The following USP8 variants were observed in gnomAD, a reference collection of about 807,000 sequenced individuals.
The protein encoded by USP8 is ubiquitin carboxyl-terminal hydrolase 8.
In USP8, 27 loss-of-function variants were observed where a neutral mutation model predicts 130.0. That is an observed-to-expected ratio of 0.21 (90% confidence interval 0.15 to 0.29). USP8 has a LOEUF of 0.29. Among genes scored for constraint, USP8 ranks in the 10% least tolerant of loss-of-function variants. The probability of loss-of-function intolerance (pLI) is 1.00; values close to 1 mark genes in which losing one functional copy is unlikely to be tolerated. For missense variants in USP8, 1,029 were observed against 1,312.2 expected (o/e 0.78, Z 3.33); for synonymous variants, 392 against 444.1 (o/e 0.88, Z 1.48).
intron 1 of USP8, among the ~76,000 whole-genome samples, chr15:50,435,574 A>G (rs1439291169): frequency 1.3e-5 from 2 of 152,172 alleles, no homozygotes; most frequent in African/African-American, 4.8e-5. Flanking sequence ...AGCGGAAAAT[A>G]CCCTTTACCT....
intron 1 of USP8, among the ~76,000 whole-genome samples, chr15:50,436,192 TG>T (rs2050085266): frequency 6.6e-6 from 1 of 152,172 alleles, no homozygotes; most frequent in Non-Finnish European, 1.5e-5. Flanking sequence ...GTTCCAAGTC[TG>T]TTTTTTTTTC....
intron 8 of USP8, among the ~76,000 whole-genome samples, chr15:50,472,604 A>C (rs1030381123): frequency 2.0e-5 from 3 of 150,844 alleles, no homozygotes; most frequent in African/African-American, 7.3e-5. Context: ...CTGGAAAAAA[A>C]AAAAAAAAAA....
At chr15:50,424,632 G>A in intron 1 of USP8, 118 bp downstream of exon 1, 2 of 396,964 alleles carry the variant, frequency 5.0e-6, no homozygotes, top group South Asian at 2.8e-4. Context: ...TGTCCGCGGA[G>A]AGGAGTGGGA....
rs2051035747 is a variant in USP8, at chr15:50,462,322, GGTAA to G, written c.541+3_541+6del. 2 of 1,600,618 alleles carry G rather than the reference GGTAA, an allele frequency of 1.2e-6. No individual in the cohort carries two copies. Among genetic ancestry groups the G allele is most frequent in the Non-Finnish European group, 1.7e-6 (2 of 1,176,070 alleles). On this transcript the variant is annotated splice_donor_variant and splice_donor_region_variant and intron_variant, in intron 6 of 19. Coordinates refer to ENST00000307179, the MANE Select transcript of USP8 (RefSeq NM_005154.5). LOFTEE classifies it high-confidence loss of function. ...TGAAAAATGTGAGACCAAAGAGAAAGGTAAGTGTGTACAGAAGGAGGAAGTTGTT... is the reference window on the plus strand; with the variant it reads ...TGAAAAATGTGAGACCAAAGAGAAAGGTGTGTACAGAAGGAGGAAGTTGTT...
In USP8 at chr15:50,507,534, T is replaced by G. The variant is rs2052678761; in HGVS notation, c.*8446T>G. ...GCATTGTAAATGAGTCACTTTATAA[T>G]GAAAAAAGGTTTAAATCACCCAAAT... On this transcript the variant is annotated 3_prime_UTR_variant, in exon 20 of 20. Coordinates refer to ENST00000307179, the MANE Select transcript of USP8 (RefSeq NM_005154.5). 6.6e-6 allele frequency: 1 copy of G among 152,030 alleles called. No homozygotes were observed. Among genetic ancestry groups the G allele is most frequent in the African/African-American group, 2.4e-5 (1 of 41,404 alleles). 9.4% of individuals were successfully genotyped at this position (152,030 alleles called of 1,614,324 possible). A position where few individuals can be genotyped will look rare whatever the true frequency, so the allele number is the denominator to read the frequency against.
chr15:50,488,139 A>C (rs1208703714), intron 12 of USP8, among the ~76,000 whole-genome samples: 1 of 152,140 alleles, frequency 6.6e-6, no homozygotes, highest in South Asian at 2.1e-4. Context: ...TATTTTTCAC[A>C]TGTGGATTGT....
intron 5 of USP8, among the ~76,000 whole-genome samples, chr15:50,461,833 C>T (rs377090898): frequency 6.2e-5 from 9 of 146,166 alleles, no homozygotes; most frequent in East Asian, 2.0e-4. Context: ...AGCCTGGCCA[C>T]GGAGCAAGAC....
chr15:50,457,882 GAAA>G (rs144529322), intron 4 of USP8, among the ~76,000 whole-genome samples: 2 of 124,046 alleles, frequency 1.6e-5, no homozygotes, highest in South Asian at 5.0e-4. Flanking sequence ...GAAAAGAAAA[GAAA>G]AAAAAAAGAA....
chr15:50,446,504 T>C (rs896437929), intron 3 of USP8, among the ~76,000 whole-genome samples: 4 of 152,246 alleles, frequency 2.6e-5, no homozygotes, highest in Admixed American at 6.5e-5. Flanking sequence ...TTATTCAGAA[T>C]GATTACATTA....
chr15:50,486,373 G>T (rs771078620), intron 12 of USP8, among the ~76,000 whole-genome samples: 1 of 152,168 alleles, frequency 6.6e-6, no homozygotes. Context: ...TGTAGTCCCA[G>T]CTAGTTGAGA....
rs1276449012 is a variant in USP8 at position 50,513,722 on chromosome 15, T to C, written c.*14634T>C. On this transcript the variant is annotated 3_prime_UTR_variant, in exon 20 of 20. Coordinates refer to ENST00000307179, the MANE Select transcript of USP8 (RefSeq NM_005154.5). Reference sequence around the variant, plus strand: ...TATTTAAACCACAATGCCATTCTACTATATGGGCAACCAGAAGGGCCAAAA... The same window carrying C: ...TATTTAAACCACAATGCCATTCTACCATATGGGCAACCAGAAGGGCCAAAA... The C allele has an allele frequency of 2.6e-5, 4 of 152,074 alleles. No individual in the cohort carries two copies. Among genetic ancestry groups the C allele is most frequent in the African/African-American group, 7.2e-5 (3 of 41,416 alleles). 9.4% of individuals were successfully genotyped at this position (152,074 alleles called of 1,614,324 possible).
intron 4 of USP8, among the ~76,000 whole-genome samples, chr15:50,456,824 T>A (rs2050806845): frequency 6.6e-6 from 1 of 152,056 alleles, no homozygotes; most frequent in Non-Finnish European, 1.5e-5. Flanking sequence ...AGGTGGAGGT[T>A]GCAGTGAGCT....
intron 18 of USP8, 161 bp downstream of exon 18, chr15:50,497,392 AG>A (rs764717142): frequency 2.1e-5 from 16 of 756,422 alleles, no homozygotes; most frequent in Admixed American, 4.0e-5. Context: ...TGAGACTGTT[AG>A]TTCACCTCAG....
intron 1 of USP8, among the ~76,000 whole-genome samples, chr15:50,438,322 G>A (rs1345682324): frequency 2.0e-5 from 3 of 152,192 alleles, no homozygotes; most frequent in South Asian, 2.1e-4. Context: ...GGTGGCTTAC[G>A]CCTGTAATCC....
chr15:50,486,720 G>A (rs2051973448), intron 12 of USP8, among the ~76,000 whole-genome samples: 1 of 152,194 alleles, frequency 6.6e-6, no homozygotes, highest in African/African-American at 2.4e-5. Context: ...ACCATGTTGT[G>A]TAAGAATGAT....
At chr15:50,491,608 T>G (rs1309044849) in intron 14 of USP8, among the ~76,000 whole-genome samples, 1 of 152,188 alleles carries the variant, frequency 6.6e-6, no homozygotes, top group Non-Finnish European at 1.5e-5. Context: ...GTTTAATCTG[T>G]TCTCAGTATT....
At chr15:50,431,220 C>T (rs1042844393) in intron 1 of USP8, among the ~76,000 whole-genome samples, 9 of 88,576 alleles carry the variant, frequency 1.0e-4, no homozygotes, top group Non-Finnish European at 2.1e-4. Flanking sequence ...TTCGATCAAC[C>T]AGTTACCAAA....
intron 16 of USP8, among the ~76,000 whole-genome samples, chr15:50,495,492 G>C (rs200676327): frequency 6.7e-6 from 1 of 149,428 alleles, no homozygotes; most frequent in African/African-American, 2.5e-5. Context: ...TTGGAGGGGG[G>C]GGTCTCACTA....
chr15:50,458,858 G>A, intron 4 of USP8, 142 bp from the exon 5 acceptor site: 1 of 904,602 alleles, frequency 1.1e-6, no homozygotes, highest in East Asian at 2.5e-5. Context: ...TCAGGTGGCA[G>A]ATGTGTGAAT....
Sources: gnomAD v4.1 joint callset for allele counts (sites outside exome capture counted in the v4.1 genomes callset) on GRCh38, gnomAD v4.1.1 for gene constraint, MANE v1.5 for transcripts, NCBI Gene and HGNC (gene_info 2026-07-23, HGNC 2026-07-21) for gene names.